ERBB4: variants seen among roughly 807,000 people sequenced by gnomAD.
ERBB4 encodes erb-b2 receptor tyrosine kinase 4.
Under a neutral mutation model 158.0 loss-of-function variants are expected in ERBB4, and 42 were observed. That is an observed-to-expected ratio of 0.27 (90% CI 0.21 to 0.34). The LOEUF is 0.34. ERBB4 is among the 10% of genes least tolerant of loss of function. The pLI, the probability that ERBB4 is intolerant of heterozygous loss-of-function variation, is 1.00. For missense variants in ERBB4, 1,333 were observed against 1,624.1 expected (o/e 0.82, Z 3.08); for synonymous variants, 583 against 558.7 (o/e 1.04, Z -0.61).
At chr2:212,101,956 A>G (rs930680825) in intron 2 of ERBB4, among the ~76,000 whole-genome samples, 2 of 151,414 alleles carry the variant, frequency 1.3e-5, no homozygotes, top group Non-Finnish European at 2.9e-5. Flanking sequence ...GCATTCTCAC[A>G]GTATTAGTTC....
chr2:211,935,267 G>T (rs1029001614), intron 3 of ERBB4, among the ~76,000 whole-genome samples: 1 of 152,132 alleles, frequency 6.6e-6, no homozygotes, highest in South Asian at 2.1e-4. Flanking sequence ...GAAATACCCG[G>T]AAACCTGGTA....
At chr2:211,715,054 G>C (rs2073847773) in intron 7 of ERBB4, among the ~76,000 whole-genome samples, 1 of 152,184 alleles carries the variant, frequency 6.6e-6, no homozygotes, top group Admixed American at 6.5e-5. Context: ...CCTATGACTA[G>C]ACTTGAAGCA....
At chr2:211,932,188 A>G (rs951564474) in intron 3 of ERBB4, among the ~76,000 whole-genome samples, 1 of 152,012 alleles carries the variant, frequency 6.6e-6, no homozygotes, top group Non-Finnish European at 1.5e-5. Context: ...CAAATAATAA[A>G]TCAAAATTCT....
At chr2:211,803,375 C>A (rs2076542994) in intron 3 of ERBB4, among the ~76,000 whole-genome samples, 1 of 152,104 alleles carries the variant, frequency 6.6e-6, no homozygotes, top group South Asian at 2.1e-4. Context: ...ACCGAAGAGT[C>A]CAGAAGATAA....
At chr2:212,198,817 C>T (rs1159900016) in intron 1 of ERBB4, among the ~76,000 whole-genome samples, 2 of 146,714 alleles carry the variant, frequency 1.4e-5, no homozygotes, top group Non-Finnish European at 3.0e-5. Context: ...CTCCTGACCT[C>T]ACGTGATCCA....
intron 27 of ERBB4, among the ~76,000 whole-genome samples, chr2:211,385,657 G>A (rs150363546): frequency 5.9e-5 from 9 of 152,230 alleles, no homozygotes; most frequent in African/African-American, 1.7e-4. Context: ...TTATAGAAAC[G>A]GAGCTTAGTG....
chr2:211,947,018 T>C (rs2080718102), intron 3 of ERBB4, among the ~76,000 whole-genome samples: 1 of 152,118 alleles, frequency 6.6e-6, no homozygotes, highest in African/African-American at 2.4e-5. Context: ...AATAAGGTGA[T>C]TGTGCAGAAA....
chr2:212,012,882 C>A (rs1001837624), intron 2 of ERBB4, among the ~76,000 whole-genome samples: 2 of 151,966 alleles, frequency 1.3e-5, no homozygotes, highest in African/African-American at 4.8e-5. Flanking sequence ...GTAGCTGGGA[C>A]CACAGATGCA....
rs114167711 is a variant in ERBB4, at chr2:212,103,327, C to T, written c.234+21425G>A. On this transcript the variant is annotated intron_variant, in intron 2 of 27. Transcript: ENST00000342788. The stretch of plus-strand genomic sequence containing the variant: ...TAGAATATAATGTGAGTCAATAATG[C>T]AAGTTGCATTTATAATTTAAAATTA... 8.7e-3 allele frequency among the ~76,000 whole-genome samples: 1,320 copies of T among 152,052 alleles called. 15 individuals carry two copies. The highest frequency in any genetic ancestry group is 0.03 in the African/African-American group (1,225 of 41,498).
At chr2:212,005,080 G>C (rs1422863386) in intron 2 of ERBB4, among the ~76,000 whole-genome samples, 2 of 152,076 alleles carry the variant, frequency 1.3e-5, no homozygotes, top group African/African-American at 4.8e-5. Context: ...ATCAACTACA[G>C]AGAAATAAAA....
intron 1 of ERBB4, among the ~76,000 whole-genome samples, chr2:212,509,369 G>T (rs903598025): frequency 2.0e-5 from 3 of 151,984 alleles, no homozygotes; most frequent in Non-Finnish European, 4.4e-5. Context: ...GTACATAAGT[G>T]ATACTAAGGT....
rs112996645 is a variant in ERBB4 at position 212,156,057 on chromosome 2, G to A, written c.83-31154C>T. 6.6e-3 allele frequency among the ~76,000 whole-genome samples: 1,003 copies of A among 152,178 alleles called. 7 individuals are homozygous for A. Among genetic ancestry groups the A allele is most frequent in the Middle Eastern group, 0.024 (7 of 294 alleles). On this transcript the variant is annotated intron_variant, in intron 1 of 27. Coordinates refer to ENST00000342788, the MANE Select transcript of ERBB4 (RefSeq NM_005235.3). Reference sequence around the variant, plus strand: ...CTTCACCAGACAAGCATAAGGGTCTGTGACACACACAAAGTCAAGAACCCC... The same window carrying A: ...CTTCACCAGACAAGCATAAGGGTCTATGACACACACAAAGTCAAGAACCCC...
At chr2:211,846,744 T>C (rs2077598676) in intron 3 of ERBB4, among the ~76,000 whole-genome samples, 1 of 152,108 alleles carries the variant, frequency 6.6e-6, no homozygotes, top group Non-Finnish European at 1.5e-5. Flanking sequence ...AAAATAATAG[T>C]CTATTTTTCC....
At chr2:211,439,410 A>G (rs1012187401) in intron 20 of ERBB4, among the ~76,000 whole-genome samples, 1 of 152,204 alleles carries the variant, frequency 6.6e-6, no homozygotes, top group Non-Finnish European at 1.5e-5. Context: ...AAAGCCTTCA[A>G]CGTTTATTAT....
intron 3 of ERBB4, among the ~76,000 whole-genome samples, chr2:211,838,222 T>C (rs2077384523): frequency 6.6e-6 from 1 of 151,996 alleles, no homozygotes; most frequent in Admixed American, 6.6e-5. Context: ...GTTATTTGAG[T>C]AATTTCTGTG....
intron 1 of ERBB4, among the ~76,000 whole-genome samples, chr2:212,312,833 T>C (rs1212766135): frequency 6.6e-6 from 1 of 150,836 alleles, no homozygotes; most frequent in Non-Finnish European, 1.5e-5. Context: ...AAAGCAGAAC[T>C]GAACAACATA....
intron 20 of ERBB4, among the ~76,000 whole-genome samples, chr2:211,468,561 C>A (rs1351588673): frequency 6.6e-6 from 1 of 152,008 alleles, no homozygotes; most frequent in African/African-American, 2.4e-5. Context: ...AAATGTAGTT[C>A]TTGTGAAATA....
intron 1 of ERBB4, among the ~76,000 whole-genome samples, chr2:212,531,954 T>C (rs1021379209): frequency 1.3e-5 from 2 of 152,170 alleles, no homozygotes; most frequent in Admixed American, 1.3e-4. Context: ...CAAATATAAA[T>C]TAAAGATGAT....
chr2:211,669,389 A>T (rs2071754785), intron 14 of ERBB4, among the ~76,000 whole-genome samples: 1 of 152,078 alleles, frequency 6.6e-6, no homozygotes, highest in Admixed American at 6.6e-5. Context: ...TCACTTTTAT[A>T]GGAATGTATT....
Sources: allele counts gnomAD v4.1 joint callset (sites outside exome capture counted in the v4.1 genomes callset), GRCh38; gene constraint gnomAD v4.1.1; transcripts MANE v1.5; gene names NCBI Gene and HGNC (gene_info 2026-07-23, HGNC 2026-07-21).